The following C17orf75 variants were observed in gnomAD, a reference collection of about 807,000 sequenced individuals.
C17orf75 encodes protein Njmu-R1.
C17orf75 carries 32 observed loss-of-function variants against 49.6 expected under a neutral mutation model. That is an observed-to-expected ratio of 0.65 (90% CI 0.49 to 0.87). The LOEUF (loss-of-function observed/expected upper bound fraction) is 0.87, where lower values mean the gene tolerates loss of function less well. C17orf75 is among the 40% of genes least tolerant of loss of function. The pLI, the probability that C17orf75 is intolerant of heterozygous loss-of-function variation, is 0.00. For missense variants in C17orf75, 428 were observed against 473.9 expected, an observed-to-expected ratio of 0.90 and a Z score of 0.90; for synonymous variants, 158 against 159.5, an observed-to-expected ratio of 0.99 and a Z score of 0.07.
chr17:32,338,942 T>G (rs981313026), intron 3 of C17orf75, among the ~76,000 whole-genome samples: 16 of 152,000 alleles, frequency 1.1e-4, no homozygotes, highest in Non-Finnish European at 1.5e-4. Context: ...AATACAAAAA[T>G]TAGCCGGGTA....
chr17:32,338,262 T>G lies in C17orf75; in HGVS notation c.437A>C (p.Asn146Thr). 6.2e-7 allele frequency: 1 copy of G among 1,613,248 alleles called. No homozygotes were observed. Among genetic ancestry groups the G allele is most frequent in the Non-Finnish European group, 8.5e-7 (1 of 1,179,608 alleles). The change falls in exon 4 of 10, where the codon AAC becomes ACC. Residue 146 changes from asparagine (N) to threonine (T), a missense_variant. Coordinates refer to ENST00000577809, the MANE Select transcript of C17orf75 (RefSeq NM_022344.4). ...AAAACAGACCACATATTCTGAAGGGTTACGTTCAGAGTCTATCGTTACTGT... is the reference window on the plus strand; with the variant it reads ...AAAACAGACCACATATTCTGAAGGGGTACGTTCAGAGTCTATCGTTACTGT... Reference protein sequence around the residue: ...PETVTIDSERNPSEYVVCFLG... With the variant: ...PETVTIDSERTPSEYVVCFLG...
At position 32,339,862 on chromosome 17, in the gene C17orf75, T is replaced by C. The variant is rs375962272; in HGVS notation, c.298A>G (p.Arg100Gly). 8 of 1,614,064 alleles carry C rather than the reference T, an allele frequency of 5.0e-6. No homozygotes were observed. Among genetic ancestry groups the C allele is most frequent in the Non-Finnish European group, 5.9e-6 (7 of 1,179,904 alleles). The change falls in exon 3 of 10, where the codon AGA (arginine) becomes GGA (glycine). Residue 100 changes from arginine (R) to glycine (G), a missense_variant. Arg to Gly is a moderately radical substitution (Grantham distance 125). Transcript: ENST00000577809. ...LRSFIAKRLSRGAVFEGLGNV... is the reference protein window; with the variant it reads ...LRSFIAKRLSGGAVFEGLGNV... ...CCCAGCCCTTCAAAGACTGCACCTC[T>C]TGAAAGACGCTTAGCAATGAAACTG...
At chr17:32,348,203 A>ATTG (rs2041441552) in intron 1 of C17orf75, among the ~76,000 whole-genome samples, 3 of 151,664 alleles carry the variant, frequency 2.0e-5, no homozygotes, top group Middle Eastern at 3.4e-3. Context: ...TGGTATTTTT[A>ATTG]GTAAAGACCG....
In C17orf75 at chr17:32,338,299, G is replaced by T; in HGVS notation, c.400C>A (p.Leu134Met). Residue 134 changes from leucine (L) to methionine (M), a missense_variant, in exon 4 of 10, where the codon CTG becomes ATG. Physicochemically the swap from Leu to Met is conservative, Grantham distance 15. Coordinates refer to ENST00000577809, the MANE Select transcript of C17orf75 (RefSeq NM_022344.4). ...CYYCLFQNEK[L>M]LPETVTIDSE... is the part of the protein sequence containing the mutation. ...TCTATCGTTACTGTTTCAGGAAGCA[G>T]TTTTTCATTTTGGAAAAGGCAGTAA... 1 of 1,611,862 alleles carries T rather than the reference G, an allele frequency of 6.2e-7. No individual in the cohort carries two copies. The highest frequency in any genetic ancestry group is 8.5e-7 in the Non-Finnish European group (1 of 1,179,300).
upstream of C17orf75, among the ~76,000 whole-genome samples, chr17:32,346,334 C>A (rs1211721694): frequency 6.6e-6 from 1 of 152,142 alleles, no homozygotes; most frequent in Non-Finnish European, 1.5e-5. Flanking sequence ...GTGGGAGGAT[C>A]CATTGAGCCC....
chr17:32,347,700 G>T (rs756822024), intron 1 of C17orf75, among the ~76,000 whole-genome samples: 69 of 152,136 alleles, frequency 4.5e-4, no homozygotes, highest in Non-Finnish European at 8.5e-4. Context: ...AGAGAGAGTA[G>T]AGTTTAGTTC....
chr17:32,348,184 A>T (rs1386998901), intron 1 of C17orf75, among the ~76,000 whole-genome samples: 1 of 150,136 alleles, frequency 6.7e-6, no homozygotes, highest in Non-Finnish European at 1.5e-5. Context: ...CGCCTGGCTA[A>T]TTTTTTTTTG....
At chr17:32,337,827 G>C in intron 5 of C17orf75, 70 bp downstream of exon 5, 1 of 1,392,668 alleles carries the variant, frequency 7.2e-7, no homozygotes. Flanking sequence ...AAAGTGCTGG[G>C]ATTACAGGCG....
rs2041258044 is a variant in C17orf75 at position 32,329,528 on chromosome 17, A to G, written c.*2235T>C. The G allele has an allele frequency of 6.6e-6, 1 of 151,964 alleles. No individual in the cohort carries two copies. The highest frequency in any genetic ancestry group is 2.1e-4 in the South Asian group (1 of 4,826). 9.4% of individuals were successfully genotyped at this position (151,964 alleles called of 1,614,324 possible). A position where few individuals can be genotyped will look rare whatever the true frequency, so the allele number is the denominator to read the frequency against. On this transcript the variant is annotated 3_prime_UTR_variant, in exon 10 of 10. Transcript: ENST00000577809. ...AAAAAAAAAAAGATAAAATAAGACT[A>G]TCATATAGAGCTGTGTAATGTAGTG...
Position 32,335,334 on chromosome 17 carries a change from G to A in C17orf75, c.658C>T (p.Leu220=). The A allele has an allele frequency of 6.2e-7, 1 of 1,613,886 alleles. No homozygotes were observed. Among genetic ancestry groups the A allele is most frequent in the Non-Finnish European group, 8.5e-7 (1 of 1,179,808 alleles). ...TTGGCAGTACTTACAGCATGTAGCA[G>A]AAAGGTAAGCTTTTCCTGAAAGAGA... ...VLLFQEKLTF[L]LHAALSYTPV... The change falls in exon 6 of 10, where the codon CTG becomes TTG. Residue 220 remains leucine, a synonymous_variant. Coordinates refer to ENST00000577809, the MANE Select transcript of C17orf75 (RefSeq NM_022344.4).
At chr17:32,334,893 C>A in intron 6 of C17orf75, 54 bp from the exon 7 acceptor site, 1 of 1,427,894 alleles carries the variant, frequency 7.0e-7, no homozygotes, top group Admixed American at 2.1e-5. Context: ...TTTTCTTGAG[C>A]AGCTACTCAT....
At chr17:32,332,970 C>T (rs1406223214) in intron 9 of C17orf75, among the ~76,000 whole-genome samples, 3 of 152,214 alleles carry the variant, frequency 2.0e-5, no homozygotes, top group Middle Eastern at 3.4e-3. Context: ...GCCACCAGGC[C>T]CAGCTAATTT....
In C17orf75 at chr17:32,335,424, G is replaced by T; in HGVS notation, c.568C>A (p.His190Asn). Residue 190 changes from histidine to asparagine, a missense_variant, in exon 6 of 10, where the codon CAC (histidine) becomes AAC (asparagine). His to Asn is a moderately conservative substitution (Grantham distance 68). Coordinates refer to ENST00000577809, the MANE Select transcript of C17orf75 (RefSeq NM_022344.4). Reference sequence around the variant, plus strand: ...CAGCTGCTCAGATAGGATTTTATGTGACTCTCCAGGCCCCTTGCCTAAATC... The same window carrying T: ...CAGCTGCTCAGATAGGATTTTATGTTACTCTCCAGGCCCCTTGCCTAAATC... ...MNCEARGLES[H>N]IKSYLSSWFE... is the part of the protein sequence containing the mutation. 6.2e-7 allele frequency: 1 copy of T among 1,613,862 alleles called. No homozygotes were observed. The highest frequency in any genetic ancestry group is 1.1e-5 in the South Asian group (1 of 91,068).
chr17:32,342,690 C>T (rs2041393110), upstream of C17orf75, among the ~76,000 whole-genome samples: 1 of 152,212 alleles, frequency 6.6e-6, no homozygotes, highest in African/African-American at 2.4e-5. Context: ...AATTCCAGTG[C>T]TTTGGGAGAC....
intron 9 of C17orf75, among the ~76,000 whole-genome samples, 154 bp from the exon 10 acceptor site, chr17:32,332,132 C>T (rs780757378): frequency 6.6e-6 from 1 of 152,110 alleles, no homozygotes; most frequent in African/African-American, 2.4e-5. Context: ...GTATGCTTTG[C>T]CCTTGGTAGA....
At chr17:32,342,281 G>A, upstream of C17orf75, 3 of 1,316,854 alleles carry the variant, frequency 2.3e-6, no homozygotes, top group Non-Finnish European at 2.9e-6. Flanking sequence ...GGCAAGGACT[G>A]GCCTGGAAAG....
intron 3 of C17orf75, among the ~76,000 whole-genome samples, chr17:32,339,064 C>G (rs1354146068): frequency 6.6e-6 from 1 of 151,906 alleles, no homozygotes; most frequent in Non-Finnish European, 1.5e-5. Flanking sequence ...GTACTCCAGT[C>G]TGGGCAACAG....
In C17orf75 at chr17:32,335,395, A is replaced by G. The variant is rs749794040; in HGVS notation, c.597T>C (p.Phe199=). ...TTTGGATTGGGCATACAACATCCTCAAACCAGCTGCTCAGATAGGATTTTA... is the reference window on the plus strand; with the variant it reads ...TTTGGATTGGGCATACAACATCCTCGAACCAGCTGCTCAGATAGGATTTTA... ...SHIKSYLSSW[F]EDVVCPIQRV... is the part of the protein sequence containing the mutation. The change falls in exon 6 of 10, where the codon TTT becomes TTC. Residue 199 remains phenylalanine, a synonymous_variant. Coordinates refer to ENST00000577809, the MANE Select transcript of C17orf75 (RefSeq NM_022344.4). 6.2e-7 allele frequency: 1 copy of G among 1,613,994 alleles called. No homozygotes were observed. The highest frequency in any genetic ancestry group is 8.5e-7 in the Non-Finnish European group (1 of 1,179,852).
At chr17:32,341,770 A>T in intron 1 of C17orf75, 1 of 1,028,466 alleles carries the variant, frequency 9.7e-7, no homozygotes, top group Non-Finnish European at 1.2e-6. Flanking sequence ...GGGGCAGATG[A>T]AGGGCACAGG....
Sources: allele counts gnomAD v4.1 joint callset (sites outside exome capture counted in the v4.1 genomes callset), GRCh38; gene constraint gnomAD v4.1.1; transcripts MANE v1.5; gene names NCBI Gene and HGNC (gene_info 2026-07-23, HGNC 2026-07-21).